Variants in ELAVL2 observed in about 807,000 individuals in gnomAD.
ELAVL2 encodes ELAV like RNA binding protein 2.
A neutral mutation model predicts 34.6 loss-of-function variants in ELAVL2; 4 were observed. The ratio of observed to expected loss-of-function variants is 0.12; its 90% CI spans 0.06 to 0.26. The LOEUF (loss-of-function observed/expected upper bound fraction) is 0.26. Ranked by LOEUF, ELAVL2 falls within the 10% of genes least tolerant of loss-of-function variation. The pLI, the probability that ELAVL2 is intolerant of heterozygous loss-of-function variation, is 1.00. For synonymous variants in ELAVL2, 193 were observed against 154.8 expected (o/e 1.25, Z -1.83); for missense variants, 432 against 442.8 (o/e 0.98, Z 0.22).
intron 5 of ELAVL2, among the ~76,000 whole-genome samples, chr9:23,693,882 A>AC (rs2034154653): frequency 6.6e-6 from 1 of 152,238 alleles, no homozygotes; most frequent in Non-Finnish European, 1.5e-5. Flanking sequence ...TACCTAAGGC[A>AC]CACAGGGTTT....
chr9:23,848,437 C>G, the ELAVL2 span, among the ~76,000 whole-genome samples: 1 of 152,122 alleles, frequency 6.6e-6, no homozygotes, highest in East Asian at 1.9e-4. Context: ...TTTTAGCTCT[C>G]AAATGAAAAC....
At chr9:23,810,644 A>T (rs1470402077) in intron 1 of ELAVL2, among the ~76,000 whole-genome samples, 1 of 152,150 alleles carries the variant, frequency 6.6e-6, no homozygotes, top group Non-Finnish European at 1.5e-5. Flanking sequence ...AGTAGAAAGA[A>T]CATCATTCTG....
chr9:23,828,955 GATTA>G (rs1411646159), upstream of ELAVL2, among the ~76,000 whole-genome samples: 3 of 152,140 alleles, frequency 2.0e-5, no homozygotes, highest in African/African-American at 7.2e-5. Flanking sequence ...ACTATCCTAT[GATTA>G]ATTAATGAAG....
chr9:23,789,936 G>GT (rs1176496585), intron 1 of ELAVL2, among the ~76,000 whole-genome samples: 1 of 152,040 alleles, frequency 6.6e-6, no homozygotes, highest in Non-Finnish European at 1.5e-5. Flanking sequence ...ACACTCAGAG[G>GT]TAAGGTAAGG....
At chr9:23,742,006 G>C (rs950720798) in intron 2 of ELAVL2, among the ~76,000 whole-genome samples, 5 of 152,130 alleles carry the variant, frequency 3.3e-5, no homozygotes, top group African/African-American at 1.2e-4. Context: ...TTGTGTCCCA[G>C]GAGGATCCAT....
chr9:23,809,952 T>C (rs1450643244), intron 1 of ELAVL2, among the ~76,000 whole-genome samples: 2 of 152,152 alleles, frequency 1.3e-5, no homozygotes, highest in Non-Finnish European at 2.9e-5. Context: ...ATATCAAACA[T>C]CCTATTGAAC....
chr9:23,834,236 A>G, the ELAVL2 span, among the ~76,000 whole-genome samples: 1 of 152,034 alleles, frequency 6.6e-6, no homozygotes, highest in East Asian at 1.9e-4. Flanking sequence ...GTTTATCCTT[A>G]TAAATTTTTG....
At chr9:23,696,457 G>C (rs1297507676) in intron 5 of ELAVL2, among the ~76,000 whole-genome samples, 1 of 152,004 alleles carries the variant, frequency 6.6e-6, no homozygotes, top group Non-Finnish European at 1.5e-5. Context: ...ACTGCTCAAG[G>C]ACATCTTTTT....
intron 3 of ELAVL2, among the ~76,000 whole-genome samples, chr9:23,718,190 C>A (rs1400099026): frequency 6.6e-6 from 1 of 152,106 alleles, no homozygotes. Context: ...TCCTCAAACA[C>A]CCAGAGAAAA....
At chr9:23,786,796 A>AG (rs2059738221) in intron 1 of ELAVL2, among the ~76,000 whole-genome samples, 1 of 151,132 alleles carries the variant, frequency 6.6e-6, no homozygotes. Flanking sequence ...AAAAAAAAAA[A>AG]AAAAAAAGAG....
At chr9:23,793,374 G>C (rs2060543971) in intron 1 of ELAVL2, among the ~76,000 whole-genome samples, 2 of 152,204 alleles carry the variant, frequency 1.3e-5, no homozygotes, top group South Asian at 4.2e-4. Flanking sequence ...ATGAAATTCA[G>C]AGTTTTCAGA....
upstream of ELAVL2, among the ~76,000 whole-genome samples, chr9:23,828,455 G>C (rs1208219729): frequency 6.6e-6 from 1 of 152,146 alleles, no homozygotes; most frequent in Non-Finnish European, 1.5e-5. Flanking sequence ...GTAGATAACT[G>C]TGATATCTGT....
At chr9:23,771,685 GC>G (rs1351097804) in intron 1 of ELAVL2, among the ~76,000 whole-genome samples, 1 of 152,094 alleles carries the variant, frequency 6.6e-6, no homozygotes, top group Non-Finnish European at 1.5e-5. Flanking sequence ...ATCTATGTGA[GC>G]CCCCTTAAAA....
intron 1 of ELAVL2, among the ~76,000 whole-genome samples, chr9:23,772,534 CAA>C (rs11450267): frequency 2.1e-4 from 14 of 67,648 alleles, no homozygotes; most frequent in Admixed American, 5.2e-4. Flanking sequence ...CAGCTTACAC[CAA>C]AAAAAAAAAA....
At chr9:23,805,959 A>G (rs887185877) in intron 1 of ELAVL2, among the ~76,000 whole-genome samples, 1 of 152,146 alleles carries the variant, frequency 6.6e-6, no homozygotes, top group African/African-American at 2.4e-5. Flanking sequence ...GCATCATTGT[A>G]TATTTTTTTC....
intron 3 of ELAVL2, among the ~76,000 whole-genome samples, chr9:23,725,511 C>G (rs1364297528): frequency 6.6e-6 from 1 of 152,170 alleles, no homozygotes; most frequent in Non-Finnish European, 1.5e-5. Context: ...ACTTACATTC[C>G]TGCCTGCATA....
In ELAVL2 at chr9:23,764,128, C is replaced by T. The variant is rs138273722; in HGVS notation, c.-15-1879G>A. On this transcript the variant is annotated intron_variant, in intron 1 of 6. Transcript: ENST00000397312. Reference sequence around the variant, plus strand: ...ACAGCAAAAATTCTTCTGGGGTTAACCCTTGCCCAGCAGTTATGGAAACAA... The same window carrying T: ...ACAGCAAAAATTCTTCTGGGGTTAATCCTTGCCCAGCAGTTATGGAAACAA... Among the ~76,000 whole-genome samples, 16 of 152,204 alleles carry T rather than the reference C, an allele frequency of 1.1e-4. No individual in the cohort carries two copies. In the East Asian group the frequency reaches 3.1e-3, roughly 29 times the overall value.
intron 3 of ELAVL2, among the ~76,000 whole-genome samples, chr9:23,710,193 TTTC>T (rs2133614169): frequency 6.6e-6 from 1 of 152,344 alleles, no homozygotes; most frequent in Non-Finnish European, 1.5e-5. Context: ...TAAAAGCTCA[TTTC>T]TTCATCAGCA....
intron 3 of ELAVL2, among the ~76,000 whole-genome samples, chr9:23,707,936 T>A (rs1457972496): frequency 6.6e-6 from 1 of 152,184 alleles, no homozygotes; most frequent in Non-Finnish European, 1.5e-5. Context: ...GCAATTCAGA[T>A]GAGTGTAGGT....
Sources: gnomAD v4.1 joint callset for allele counts (sites outside exome capture counted in the v4.1 genomes callset) on GRCh38, gnomAD v4.1.1 for gene constraint, MANE v1.5 for transcripts, NCBI Gene and HGNC (gene_info 2026-07-23, HGNC 2026-07-21) for gene names.